The following HIPK2 variants were observed in gnomAD, a reference collection of about 807,000 sequenced individuals.
HIPK2 encodes homeodomain interacting protein kinase 2, also known as homeodomain-interacting protein kinase 2.
A neutral mutation model predicts 113.7 loss-of-function variants in HIPK2; 27 were observed. The observed-to-expected ratio is 0.24, with a 90% CI of 0.17 to 0.33. The LOEUF (loss-of-function observed/expected upper bound fraction) is 0.33. HIPK2 is among the 10% of genes least tolerant of loss of function. HIPK2 has a pLI of 1.00. For synonymous variants in HIPK2, 631 were observed against 642.2 expected, an observed-to-expected ratio of 0.98 and a Z score of 0.26; for missense variants, 1,257 against 1,588.0, an observed-to-expected ratio of 0.79 and a Z score of 3.54.
intron 2 of HIPK2, among the ~76,000 whole-genome samples, chr7:139,641,319 T>A (rs1219969732): frequency 6.8e-6 from 1 of 148,054 alleles, no homozygotes; most frequent in Non-Finnish European, 1.5e-5. Flanking sequence ...GAGCTGAGAT[T>A]GCGCCACTAC....
At chr7:139,582,536 C>T (rs1257250811) in intron 13 of HIPK2, among the ~76,000 whole-genome samples, 3 of 152,194 alleles carry the variant, frequency 2.0e-5, no homozygotes, top group Admixed American at 6.5e-5. Flanking sequence ...CAAAAGGAGA[C>T]GTTTTAGCAG....
chr7:139,573,435 G>C, intron 14 of HIPK2, 38 bp from the exon 15 acceptor site: 1 of 1,578,684 alleles, frequency 6.3e-7, no homozygotes. Flanking sequence ...GTCAGGGGCC[G>C]ACACATGGGG....
At chr7:139,625,860 G>C (rs951279307) in intron 6 of HIPK2, among the ~76,000 whole-genome samples, 1 of 152,176 alleles carries the variant, frequency 6.6e-6, no homozygotes, top group Non-Finnish European at 1.5e-5. Context: ...CTGAAGAAAT[G>C]AATGAACAAA....
chr7:139,673,197 GGA>G (rs1304471467), intron 2 of HIPK2, among the ~76,000 whole-genome samples: 1 of 151,756 alleles, frequency 6.6e-6, no homozygotes, highest in Admixed American at 6.6e-5. Context: ...TGGGGCCCGT[GGA>G]GAGAGAAGAG....
intron 9 of HIPK2, among the ~76,000 whole-genome samples, chr7:139,608,609 T>C (rs28572288): frequency 0.072 from 10,977 of 152,092 alleles, 1,282 homozygotes; most frequent in African/African-American, 0.25. Flanking sequence ...CTAATTCCAG[T>C]GCCCATGCTT....
chr7:139,666,907 A>C (rs1452351154), intron 2 of HIPK2, among the ~76,000 whole-genome samples: 1 of 152,088 alleles, frequency 6.6e-6, no homozygotes, highest in Non-Finnish European at 1.5e-5. Flanking sequence ...GCTGCTATAC[A>C]AAAATTAGCT....
chr7:139,634,555 T>C (rs1428280307), intron 2 of HIPK2, among the ~76,000 whole-genome samples: 2 of 151,996 alleles, frequency 1.3e-5, no homozygotes, highest in African/African-American at 4.8e-5. Flanking sequence ...GGTTCACTCA[T>C]CATTGTGTGT....
intron 1 of HIPK2, among the ~76,000 whole-genome samples, chr7:139,776,200 CT>C (rs1015292704): frequency 1.6e-4 from 25 of 152,184 alleles, no homozygotes; most frequent in African/African-American, 6.0e-4. Context: ...TTAAATGGAC[CT>C]TGTGTTCTTC....
intron 2 of HIPK2, among the ~76,000 whole-genome samples, chr7:139,689,804 A>G: frequency 6.6e-6 from 1 of 152,168 alleles, no homozygotes; most frequent in Non-Finnish European, 1.5e-5. Flanking sequence ...GGAGACTTCT[A>G]ACTCCAAAAT....
In HIPK2 at chr7:139,584,039, C is replaced by T. The variant is rs769164072; in HGVS notation, c.2743G>A (p.Val915Ile). The T allele has an allele frequency of 1.5e-5, 24 of 1,599,986 alleles. No homozygotes were observed. The highest frequency in any genetic ancestry group is 9.0e-5 in the East Asian group (4 of 44,636). ...TSTVSKQRKN[V>I]ISCVTVHDSP... ...TCGTGGACTGTGACACAGCTGATGA[C>T]GTTTTTTCTTTGCTTGGAGACAGTG... Residue 915 changes from valine (V) to isoleucine (I), a missense_variant, in exon 13 of 15, where the codon GTC (valine) becomes ATC (isoleucine). Physicochemically the swap from Val to Ile is conservative, Grantham distance 29 (BLOSUM62 3). This residue lies in a region of HIPK2 where 862 missense variants were observed against 1,004.3 expected (regional missense o/e 0.86). Coordinates refer to ENST00000406875, the MANE Select transcript of HIPK2 (RefSeq NM_022740.5).
intron 2 of HIPK2, among the ~76,000 whole-genome samples, chr7:139,652,935 G>C (rs1236154820): frequency 1.3e-5 from 2 of 151,976 alleles, no homozygotes; most frequent in African/African-American, 4.8e-5. Context: ...TTGAGGTCAG[G>C]AGTTTGAGAC....
intron 2 of HIPK2, among the ~76,000 whole-genome samples, chr7:139,659,365 G>A (rs955429368): frequency 6.6e-6 from 1 of 152,168 alleles, no homozygotes; most frequent in East Asian, 1.9e-4. Flanking sequence ...AATAACATCC[G>A]ATTCTTTCTG....
At chr7:139,678,979 T>C (rs1802605835) in intron 2 of HIPK2, among the ~76,000 whole-genome samples, 1 of 152,208 alleles carries the variant, frequency 6.6e-6, no homozygotes, top group South Asian at 2.1e-4. Context: ...TATTGGTGTA[T>C]AAGAATGCTT....
At chr7:139,580,572 G>A (rs906291362) in intron 13 of HIPK2, among the ~76,000 whole-genome samples, 3 of 152,190 alleles carry the variant, frequency 2.0e-5, no homozygotes, top group Admixed American at 6.5e-5. Flanking sequence ...GCTACTCTCC[G>A]TGATCTCCTG....
At chr7:139,654,584 T>C (rs891250297) in intron 2 of HIPK2, among the ~76,000 whole-genome samples, 4 of 152,106 alleles carry the variant, frequency 2.6e-5, no homozygotes, top group Non-Finnish European at 4.4e-5. Context: ...GTTTAATGCA[T>C]TTAGGGAGCA....
intron 1 of HIPK2, among the ~76,000 whole-genome samples, chr7:139,734,516 A>AATGG (rs1795883101): frequency 6.6e-6 from 1 of 152,138 alleles, no homozygotes; most frequent in African/African-American, 2.4e-5. Flanking sequence ...CTCTGGGAAA[A>AATGG]ATGGACTTTC....
chr7:139,706,045 G>A (rs1794889464), intron 2 of HIPK2, among the ~76,000 whole-genome samples: 1 of 152,190 alleles, frequency 6.6e-6, no homozygotes, highest in Non-Finnish European at 1.5e-5. Flanking sequence ...CGGGGATGAT[G>A]CTGTCTTTCT....
Position 139,631,354 on chromosome 7 carries a change from G to A in HIPK2, c.1228-70C>T. The A allele has an allele frequency of 6.6e-7, 1 of 1,509,782 alleles. No individual in the cohort carries two copies. Among genetic ancestry groups the A allele is most frequent in the Admixed American group, 2.4e-5 (1 of 41,554 alleles). The allele number at this position is 1,509,782 out of a possible 1,614,324, so 93.5% of individuals were successfully genotyped here. On this transcript the variant is annotated intron_variant, in intron 3 of 14. Coordinates refer to ENST00000406875, the MANE Select transcript of HIPK2 (RefSeq NM_022740.5). The surrounding 1 kb of genome is among the most constrained non-coding windows in gnomAD (Gnocchi z 4.9). ...ATACATATGGTATACTAATGGCTCT[G>A]CTGGCTTTGAGAAAAATGAAAATGA...
At chr7:139,574,039 T>C (rs1254258150) in intron 14 of HIPK2, among the ~76,000 whole-genome samples, 1 of 152,086 alleles carries the variant, frequency 6.6e-6, no homozygotes, top group Non-Finnish European at 1.5e-5. Context: ...TAGCTCACTG[T>C]AGCCTTGAAC....
Sources: allele counts gnomAD v4.1 joint callset (sites outside exome capture counted in the v4.1 genomes callset), GRCh38; gene constraint gnomAD v4.1.1; regional missense constraint gnomAD v4.1.1; non-coding constraint Gnocchi (gnomAD v3.1); transcripts MANE v1.5; gene names NCBI Gene and HGNC (gene_info 2026-07-23, HGNC 2026-07-21).